AGBL1: variants seen among roughly 807,000 people sequenced by gnomAD.
The protein encoded by AGBL1 is AGBL carboxypeptidase 1.
A neutral mutation model predicts 118.9 loss-of-function variants in AGBL1; 130 were observed. The ratio of observed to expected loss-of-function variants is 1.09; its 90% CI spans 0.95 to 1.26. AGBL1 has a LOEUF of 1.26. AGBL1 is among the 50% of genes most tolerant of loss of function. The pLI, the probability that AGBL1 is intolerant of heterozygous loss-of-function variation, is 0.00. For missense variants in AGBL1, 1,584 were observed against 1,298.1 expected (o/e 1.22, Z -3.38); for synonymous variants, 555 against 478.9 (o/e 1.16, Z -2.08).
At chr15:86,723,988 C>G (rs2086777570) in intron 22 of AGBL1, among the ~76,000 whole-genome samples, 1 of 152,058 alleles carries the variant, frequency 6.6e-6, no homozygotes, top group Admixed American at 6.6e-5. Context: ...GTAATCCCAG[C>G]ACTTTGGGAG....
intron 22 of AGBL1, among the ~76,000 whole-genome samples, chr15:86,820,844 G>C (rs1279838805): frequency 2.6e-5 from 4 of 152,080 alleles, no homozygotes; most frequent in African/African-American, 9.7e-5. Flanking sequence ...ATACCCAAAG[G>C]ATTATAAATC....
intron 22 of AGBL1, among the ~76,000 whole-genome samples, chr15:86,727,147 A>T (rs551872676): frequency 2.2e-4 from 34 of 152,174 alleles, no homozygotes; most frequent in Non-Finnish European, 3.8e-4. Context: ...GCAAAGGTGC[A>T]AAACCTGTGA....
chr15:86,640,162 T>A (rs1307238620), intron 21 of AGBL1, among the ~76,000 whole-genome samples: 1 of 152,168 alleles, frequency 6.6e-6, no homozygotes, highest in Non-Finnish European at 1.5e-5. Context: ...ATAGGCTTTT[T>A]CCTAGATGAA....
At chr15:86,694,988 C>A (rs562894808) in intron 22 of AGBL1, among the ~76,000 whole-genome samples, 3 of 151,904 alleles carry the variant, frequency 2.0e-5, no homozygotes, top group Non-Finnish European at 4.4e-5. Flanking sequence ...CTGTTGGATT[C>A]GGTTAGCTAG....
intron 13 of AGBL1, 118 bp from the exon 14 acceptor site, chr15:86,269,801 G>T (rs1567168935): frequency 2.5e-6 from 3 of 1,177,926 alleles, no homozygotes; most frequent in Admixed American, 2.8e-5. Context: ...TTACCAGCTG[G>T]CTGAGATCCT....
chr15:86,664,069 C>G (rs1384811454), intron 21 of AGBL1, among the ~76,000 whole-genome samples: 3 of 152,176 alleles, frequency 2.0e-5, no homozygotes, highest in Admixed American at 6.6e-5. Flanking sequence ...TGTTTGAAGT[C>G]TAGCCCACAC....
At chr15:86,770,690 A>G (rs2078164634) in intron 22 of AGBL1, among the ~76,000 whole-genome samples, 1 of 151,894 alleles carries the variant, frequency 6.6e-6, no homozygotes, top group African/African-American at 2.4e-5. Context: ...GTAGATGTAG[A>G]GGGTATCGTA....
At chr15:86,801,310 C>CATCTGTCTATCTATCT (rs1555451584) in intron 22 of AGBL1, among the ~76,000 whole-genome samples, 43 of 147,314 alleles carry the variant, frequency 2.9e-4, no homozygotes, top group African/African-American at 1.0e-3. Flanking sequence ...TTGATGATTA[C>CATCTGTCTATCTATCT]ATCTATCTAT....
intron 18 of AGBL1, 32 bp from the exon 19 acceptor site, chr15:86,522,778 T>G (rs759991835): frequency 1.1e-5 from 17 of 1,607,096 alleles, no homozygotes; most frequent in Admixed American, 5.1e-5. Flanking sequence ...CTTCTGAATG[T>G]GTATTTATTT....
chr15:86,830,951 A>G (rs1016612537), intron 22 of AGBL1, among the ~76,000 whole-genome samples: 2 of 152,210 alleles, frequency 1.3e-5, no homozygotes, highest in Admixed American at 6.5e-5. Flanking sequence ...TATAAAGGAA[A>G]GAGGTTTAAT....
At chr15:86,627,612 G>C (rs561381752) in intron 21 of AGBL1, among the ~76,000 whole-genome samples, 1 of 152,168 alleles carries the variant, frequency 6.6e-6, no homozygotes, top group East Asian at 1.9e-4. Context: ...GCTTACAAGA[G>C]GAAATACATA....
Position 86,911,920 on chromosome 15 carries a change from C to A in AGBL1, c.*4626C>A, listed in dbSNP as rs1218772894. On this transcript the variant is annotated 3_prime_UTR_variant, in exon 23 of 23. Coordinates refer to ENST00000614907, the MANE Select transcript of AGBL1 (RefSeq NM_001386094.1). ...ATAAATATGTCTTTTATACCCACAC[C>A]CCCATTCACCATTGAATAGTGAGCT... 1.3e-5 allele frequency: 2 copies of A among 152,038 alleles called. No individual in the cohort carries two copies. The highest frequency in any genetic ancestry group is 2.9e-5 in the Non-Finnish European group (2 of 68,010). 9.4% of individuals were successfully genotyped at this position (152,038 alleles called of 1,614,324 possible).
At chr15:86,294,597 TC>T (rs1230460305) in intron 16 of AGBL1, among the ~76,000 whole-genome samples, 1 of 152,142 alleles carries the variant, frequency 6.6e-6, no homozygotes, top group African/African-American at 2.4e-5. Flanking sequence ...CTCACATTTC[TC>T]CCTATTACTT....
At chr15:86,415,740 C>A (rs547383353) in intron 18 of AGBL1, among the ~76,000 whole-genome samples, 2 of 152,096 alleles carry the variant, frequency 1.3e-5, no homozygotes, top group Non-Finnish European at 2.9e-5. Context: ...CTAAATGGAT[C>A]AAGTCTTGAA....
chr15:86,527,067 C>T (rs1376278701), intron 19 of AGBL1, among the ~76,000 whole-genome samples: 1 of 152,160 alleles, frequency 6.6e-6, no homozygotes, highest in Non-Finnish European at 1.5e-5. Flanking sequence ...CCTTCTCCCT[C>T]CTGCAATCTT....
intron 5 of AGBL1, among the ~76,000 whole-genome samples, chr15:86,202,463 C>A (rs2077922543): frequency 6.6e-6 from 1 of 152,130 alleles, no homozygotes; most frequent in South Asian, 2.1e-4. Context: ...AAAAGTTAAT[C>A]TTCTTAAGTC....
At chr15:86,611,387 G>T (rs2084651068) in intron 21 of AGBL1, among the ~76,000 whole-genome samples, 1 of 152,284 alleles carries the variant, frequency 6.6e-6, no homozygotes, top group South Asian at 2.1e-4. Context: ...AAACCAGGAG[G>T]AAATCAAATT....
At chr15:86,175,203 T>C (rs1433069446) in intron 5 of AGBL1, among the ~76,000 whole-genome samples, 2 of 152,080 alleles carry the variant, frequency 1.3e-5, no homozygotes, top group Non-Finnish European at 2.9e-5. Context: ...CTCATTATTA[T>C]TCTGTTCAGA....
chr15:86,163,427 TTAAAAA>T (rs2141721386), intron 5 of AGBL1, among the ~76,000 whole-genome samples: 1 of 152,128 alleles, frequency 6.6e-6, no homozygotes, highest in Non-Finnish European at 1.5e-5. Context: ...AGATCCTGTC[TTAAAAA>T]TAAATAAATG....
Sources: allele counts gnomAD v4.1 joint callset (sites outside exome capture counted in the v4.1 genomes callset), GRCh38; gene constraint gnomAD v4.1.1; transcripts MANE v1.5; gene names NCBI Gene and HGNC (gene_info 2026-07-23, HGNC 2026-07-21).